Variants in CSMD1 observed in about 807,000 individuals in gnomAD.
CSMD1 encodes the protein CUB and Sushi multiple domains 1, also known as CUB and sushi domain-containing protein 1.
CSMD1 carries 213 observed loss-of-function variants against 417.5 expected under a neutral mutation model. That is an observed-to-expected ratio of 0.51 (90% CI 0.46 to 0.57). CSMD1 has a LOEUF of 0.57. Ranked by LOEUF, CSMD1 falls within the 20% of genes least tolerant of loss-of-function variation. The pLI, the probability that CSMD1 is intolerant of heterozygous loss-of-function variation, is 0.00. For missense variants in CSMD1, 6,923 were observed against 4,529.7 expected (o/e 1.53, Z -15.17); for synonymous variants, 2,862 against 1,736.8 (o/e 1.65, Z -16.11).
intron 3 of CSMD1, among the ~76,000 whole-genome samples, chr8:4,264,669 T>G (rs1804123667): frequency 6.6e-6 from 1 of 152,100 alleles, no homozygotes. Context: ...TTCACCGAGG[T>G]GGTCATCCCC....
intron 5 of CSMD1, among the ~76,000 whole-genome samples, chr8:3,944,697 G>A (rs529473369): frequency 6.6e-6 from 1 of 152,238 alleles, no homozygotes; most frequent in Non-Finnish European, 1.5e-5. Flanking sequence ...TGTTGAAAAT[G>A]CCTCAGGACA....
intron 3 of CSMD1, among the ~76,000 whole-genome samples, chr8:4,331,191 C>G (rs1177186343): frequency 6.6e-6 from 1 of 152,154 alleles, no homozygotes; most frequent in Non-Finnish European, 1.5e-5. Context: ...GAAAATCTTC[C>G]TCAAATAGTT....
At chr8:4,415,978 G>C (rs1266661096) in intron 3 of CSMD1, among the ~76,000 whole-genome samples, 1 of 152,078 alleles carries the variant, frequency 6.6e-6, no homozygotes, top group African/African-American at 2.4e-5. Flanking sequence ...CTAAAGTACT[G>C]CAGTTAACTA....
At chr8:4,471,018 T>C (rs967319622) in intron 2 of CSMD1, among the ~76,000 whole-genome samples, 3 of 152,228 alleles carry the variant, frequency 2.0e-5, no homozygotes, top group Non-Finnish European at 4.4e-5. Flanking sequence ...ACGAGGATTC[T>C]ATGAAATATC....
chr8:4,789,153 A>G (rs763170086), intron 1 of CSMD1, among the ~76,000 whole-genome samples: 17 of 152,212 alleles, frequency 1.1e-4, no homozygotes, highest in Non-Finnish European at 1.6e-4. Flanking sequence ...ATGAAATACA[A>G]TGTTGTATGT....
At chr8:4,663,510 G>C (rs1043738536) in intron 1 of CSMD1, among the ~76,000 whole-genome samples, 6 of 152,120 alleles carry the variant, frequency 3.9e-5, no homozygotes, top group African/African-American at 1.2e-4. Context: ...TATTCCCCTT[G>C]CTGTTGTCCT....
chr8:4,079,322 T>A (rs1800001572), intron 3 of CSMD1, among the ~76,000 whole-genome samples: 1 of 152,186 alleles, frequency 6.6e-6, no homozygotes, highest in Non-Finnish European at 1.5e-5. Context: ...CTAGGCAATG[T>A]CTGCATCCCT....
chr8:3,644,197 G>A (rs947634120), intron 7 of CSMD1, among the ~76,000 whole-genome samples: 2 of 152,152 alleles, frequency 1.3e-5, no homozygotes, highest in Non-Finnish European at 2.9e-5. Flanking sequence ...CTCTAGGGGC[G>A]GGGCTCAGAA....
At chr8:4,345,461 G>C (rs1048817244) in intron 3 of CSMD1, among the ~76,000 whole-genome samples, 1 of 151,728 alleles carries the variant, frequency 6.6e-6, no homozygotes, top group Non-Finnish European at 1.5e-5. Context: ...TAGATAACTG[G>C]AATTACATCA....
chr8:4,541,575 C>A (rs973223421), intron 2 of CSMD1, among the ~76,000 whole-genome samples: 1 of 151,812 alleles, frequency 6.6e-6, no homozygotes, highest in Non-Finnish European at 1.5e-5. Context: ...TGGTAAAACC[C>A]TGTCTGTACT....
At chr8:3,484,906 G>A (rs535936085) in intron 11 of CSMD1, among the ~76,000 whole-genome samples, 9 of 152,300 alleles carry the variant, frequency 5.9e-5, no homozygotes, top group Admixed American at 2.6e-4. Flanking sequence ...AGCAGAAAAA[G>A]TGGTGATAAA....
At chr8:4,951,263 C>G (rs1282197890) in intron 1 of CSMD1, among the ~76,000 whole-genome samples, 4 of 152,054 alleles carry the variant, frequency 2.6e-5, no homozygotes, top group African/African-American at 9.7e-5. Flanking sequence ...TTGCTGATAA[C>G]GACTTTTAGT....
chr8:4,715,167 A>G (rs1246642941), intron 1 of CSMD1, among the ~76,000 whole-genome samples: 2 of 152,208 alleles, frequency 1.3e-5, no homozygotes, highest in Non-Finnish European at 2.9e-5. Flanking sequence ...TGCTTTAGTT[A>G]TTCTATTATT....
intron 3 of CSMD1, among the ~76,000 whole-genome samples, chr8:4,236,055 T>TTTTTTTTTTTTTTG (rs1563316724): frequency 2.9e-4 from 24 of 83,728 alleles, no homozygotes; most frequent in Non-Finnish European, 3.6e-4. Context: ...TTTTTTTTTT[T>TTTTTTTTTTTTTTG]TTTTTTTTTT....
At chr8:3,642,159 A>C (rs941048530) in intron 7 of CSMD1, among the ~76,000 whole-genome samples, 3 of 151,642 alleles carry the variant, frequency 2.0e-5, no homozygotes, top group Non-Finnish European at 4.4e-5. Flanking sequence ...TATGATACAC[A>C]AATATATAAT....
intron 2 of CSMD1, among the ~76,000 whole-genome samples, chr8:4,484,089 T>C (rs952158570): frequency 1.3e-5 from 2 of 152,032 alleles, no homozygotes; most frequent in African/African-American, 4.8e-5. Context: ...TGAAAGGGTG[T>C]CTGTTAAACA....
chr8:3,219,823 A>C (rs1798098155), intron 28 of CSMD1, among the ~76,000 whole-genome samples: 1 of 152,190 alleles, frequency 6.6e-6, no homozygotes, highest in Non-Finnish European at 1.5e-5. Context: ...TTTTATCTTT[A>C]TCTGAATATT....
intron 1 of CSMD1, among the ~76,000 whole-genome samples, chr8:4,844,855 T>C (rs1275149404): frequency 6.6e-6 from 1 of 152,174 alleles, no homozygotes; most frequent in Admixed American, 6.5e-5. Context: ...AGCTAAGAGA[T>C]ATGCCAGTAC....
intron 1 of CSMD1, among the ~76,000 whole-genome samples, chr8:4,707,614 T>C (rs1486099563): frequency 1.3e-5 from 2 of 152,064 alleles, no homozygotes; most frequent in East Asian, 1.9e-4. Context: ...GAGCCAGCCA[T>C]GATGGCTCAC....
Sources: allele counts gnomAD v4.1 joint callset (sites outside exome capture counted in the v4.1 genomes callset), GRCh38; gene constraint gnomAD v4.1.1; transcripts MANE v1.5; gene names NCBI Gene and HGNC (gene_info 2026-07-23, HGNC 2026-07-21).